Variants in MAFB observed in about 807,000 individuals in gnomAD.
The protein encoded by MAFB is MAF bZIP transcription factor B.
A neutral mutation model predicts 17.7 loss-of-function variants in MAFB; 3 were observed. That is an observed-to-expected ratio of 0.17 (90% CI 0.08 to 0.44). The LOEUF (loss-of-function observed/expected upper bound fraction) is 0.44, where lower values mean the gene tolerates loss of function less well. Among genes scored for constraint, MAFB ranks in the 20% least tolerant of loss-of-function variants. The pLI, the probability that MAFB is intolerant of heterozygous loss-of-function variation, is 0.99. For synonymous variants in MAFB, 214 were observed against 211.5 expected (o/e 1.01, Z -0.10); for missense variants, 355 against 461.3 (o/e 0.77, Z 2.11).
Position 40,688,548 on chromosome 20 carries a change from G to T in MAFB, c.303C>A (p.Asn101Lys). Reference protein sequence around the residue: ...NYQQMNPEALNLTPEDAVEAL... With the variant: ...NYQQMNPEALKLTPEDAVEAL... ...CTTCCACCGCGTCCTCGGGCGTCAG[G>T]TTGAGCGCCTCGGGGTTCATCTGCT... The change falls in exon 1 of 1, where the codon AAC becomes AAA. Residue 101 changes from asparagine to lysine, a missense_variant. This residue lies in a region of MAFB where 285 missense variants were observed against 350.0 expected (regional missense o/e 0.81). Coordinates refer to ENST00000373313, the MANE Select transcript of MAFB (RefSeq NM_005461.5). 1 of 1,614,062 alleles carries T rather than the reference G, an allele frequency of 6.2e-7. No homozygotes were observed. The highest frequency in any genetic ancestry group is 1.1e-5 in the South Asian group (1 of 91,092).
In MAFB at chr20:40,687,464, C is replaced by T. The variant is rs756438342; in HGVS notation, c.*415G>A. The T allele has an allele frequency of 5.5e-5, 20 of 363,116 alleles. No homozygotes were observed. In the Middle Eastern group the frequency reaches 3.5e-3, roughly 64 times the overall value. The allele number at this position is 363,116 out of a possible 1,614,324, so 22.5% of individuals were successfully genotyped here. A position where few individuals can be genotyped will look rare whatever the true frequency, so the allele number is the denominator to read the frequency against. ...CCTCTCCTTTCCTCGTTGCTCTCTT[C>T]CTGGCGCGGACTACTCTCCGGGCAG... On this transcript the variant is annotated 3_prime_UTR_variant, in exon 1 of 1. Coordinates refer to ENST00000373313, the MANE Select transcript of MAFB (RefSeq NM_005461.5).
rs770470296 is a variant in MAFB, at chr20:40,686,434, C to T, written c.*1445G>A. On this transcript the variant is annotated 3_prime_UTR_variant, in exon 1 of 1. Coordinates refer to ENST00000373313, the MANE Select transcript of MAFB (RefSeq NM_005461.5). ...AAACGCAATGCATTGGTCTAAAGAACGCACTTGAAAGTTGCAAAATTACTT... is the reference window on the plus strand; with the variant it reads ...AAACGCAATGCATTGGTCTAAAGAATGCACTTGAAAGTTGCAAAATTACTT... 5.3e-5 allele frequency: 18 copies of T among 342,424 alleles called. No homozygotes were observed. The highest frequency in any genetic ancestry group is 8.9e-5 in the Non-Finnish European group (17 of 191,126). The allele number at this position is 342,424 out of a possible 1,614,324, so 21.2% of individuals were successfully genotyped here. A position where few individuals can be genotyped will look rare whatever the true frequency, so the allele number is the denominator to read the frequency against.
In MAFB at chr20:40,688,692, G is replaced by C; in HGVS notation, c.159C>G (p.Gly53=). ...GRPCTRLQPA[G]SVSSTPLSTP... is the part of the protein sequence containing the mutation. ...TGCTGAGCGGTGTGGAGGACACCGAGCCGGCTGGCTGCAGGCGTGTGCAGG... is the reference window on the plus strand; with the variant it reads ...TGCTGAGCGGTGTGGAGGACACCGACCCGGCTGGCTGCAGGCGTGTGCAGG... Residue 53 remains glycine, a synonymous_variant, in exon 1 of 1, where the codon GGC becomes GGG. Transcript: ENST00000373313. 1 of 1,613,934 alleles carries C rather than the reference G, an allele frequency of 6.2e-7. No homozygotes were observed. Among genetic ancestry groups the C allele is most frequent in the Non-Finnish European group, 8.5e-7 (1 of 1,179,910 alleles).
At position 40,687,240 on chromosome 20, in the gene MAFB, A is replaced by G; in HGVS notation, c.*639T>C. The G allele has an allele frequency of 2.5e-6, 1 of 398,648 alleles. No individual in the cohort carries two copies. The highest frequency in any genetic ancestry group is 3.6e-5 in the East Asian group (1 of 28,082). The allele number at this position is 398,648 out of a possible 1,614,324, so 24.7% of individuals were successfully genotyped here. A position where few individuals can be genotyped will look rare whatever the true frequency, so the allele number is the denominator to read the frequency against. Reference sequence around the variant, plus strand: ...TACATGTCCAGCATGCAGGATTAATATTTTTAATGCAGATTTTTTGTATTT... The same window carrying G: ...TACATGTCCAGCATGCAGGATTAATGTTTTTAATGCAGATTTTTTGTATTT... On this transcript the variant is annotated 3_prime_UTR_variant, in exon 1 of 1. Transcript: ENST00000373313.
chr20:40,688,241 TGC>T lies in MAFB; in HGVS notation c.608_609del (p.Gly203GlufsTer55), dbSNP rs1986879798. The T allele has an allele frequency of 1.3e-6, 2 of 1,559,930 alleles. No individual in the cohort carries two copies. The highest frequency in any genetic ancestry group is 1.3e-5 in the African/African-American group (1 of 74,112). On this transcript the variant is annotated frameshift_variant, in exon 1 of 1. Coordinates refer to ENST00000373313, the MANE Select transcript of MAFB (RefSeq NM_005461.5). LOFTEE classifies it high-confidence loss of function. ...GAGAAGCGGTCCTCCACGCTGCCGT[TGC>T]CGCCCGCCGCCGTCGCCGAGGCCGT... The part of the protein sequence containing the change: ...HATASATAAG[G>X]NGSVEDRFSD...
At position 40,688,398 on chromosome 20, in the gene MAFB, G is replaced by A; in HGVS notation, c.453C>T (p.Ala151=). 8 of 1,571,416 alleles carry A rather than the reference G, an allele frequency of 5.1e-6. No homozygotes were observed. Among genetic ancestry groups the A allele is most frequent in the African/African-American group, 1.3e-5 (1 of 74,562 alleles). ...PHHAYPGAGV[A]HDELGPHAHP... The stretch of plus-strand genomic sequence containing the variant: ...GAGCGTGCGGGCCCAGCTCGTCGTG[G>A]GCCACGCCGGCGCCCGGGTACGCGT... The change falls in exon 1 of 1, where the codon GCC becomes GCT. Residue 151 remains alanine, a synonymous_variant. Coordinates refer to ENST00000373313, the MANE Select transcript of MAFB (RefSeq NM_005461.5).
At position 40,689,128 on chromosome 20, in the gene MAFB, C is replaced by G; in HGVS notation, c.-278G>C. 1 of 424,670 alleles carries G rather than the reference C, an allele frequency of 2.4e-6. No homozygotes were observed. Among genetic ancestry groups the G allele is most frequent in the Non-Finnish European group, 4.1e-6 (1 of 243,212 alleles). 26.3% of individuals were successfully genotyped at this position (424,670 alleles called of 1,614,324 possible). A position where few individuals can be genotyped will look rare whatever the true frequency, so the allele number is the denominator to read the frequency against. On this transcript the variant is annotated 5_prime_UTR_variant, in exon 1 of 1. Transcript: ENST00000373313. Reference sequence around the variant, plus strand: ...GGGGTGGAGAGGCAAGCGGAGCGCGCGGTGGGGCTGAGGGGAGGCGTGGGG... The same window carrying G: ...GGGGTGGAGAGGCAAGCGGAGCGCGGGGTGGGGCTGAGGGGAGGCGTGGGG...
chr20:40,687,716 C>A lies in MAFB; in HGVS notation c.*163G>T. On this transcript the variant is annotated 3_prime_UTR_variant, in exon 1 of 1. Coordinates refer to ENST00000373313, the MANE Select transcript of MAFB (RefSeq NM_005461.5). ...AAGGTCCCCTGCCCGCCCGCGCACC[C>A]GCCCGTCGCCCGCGGCCCGCGCGCC... 2 of 895,346 alleles carry A rather than the reference C, an allele frequency of 2.2e-6. No individual in the cohort carries two copies. Among genetic ancestry groups the A allele is most frequent in the Non-Finnish European group, 3.3e-6 (2 of 606,574 alleles). 55.5% of individuals were successfully genotyped at this position (895,346 alleles called of 1,614,324 possible). A position where few individuals can be genotyped will look rare whatever the true frequency, so the allele number is the denominator to read the frequency against.
At position 40,687,395 on chromosome 20, in the gene MAFB, T is replaced by C; in HGVS notation, c.*484A>G. Reference sequence around the variant, plus strand: ...ACAGACAGGTCCGTCTGTCCTTCCTTCTTTCGCTCAGCCTCGCCTCTCGCC... The same window carrying C: ...ACAGACAGGTCCGTCTGTCCTTCCTCCTTTCGCTCAGCCTCGCCTCTCGCC... On this transcript the variant is annotated 3_prime_UTR_variant, in exon 1 of 1. Coordinates refer to ENST00000373313, the MANE Select transcript of MAFB (RefSeq NM_005461.5). 2.6e-6 allele frequency: 1 copy of C among 390,386 alleles called. No homozygotes were observed. Among genetic ancestry groups the C allele is most frequent in the Non-Finnish European group, 4.5e-6 (1 of 220,800 alleles). The allele number at this position is 390,386 out of a possible 1,614,324, so 24.2% of individuals were successfully genotyped here.
At position 40,687,249 on chromosome 20, in the gene MAFB, G is replaced by A. The variant is rs575076532; in HGVS notation, c.*630C>T. Reference sequence around the variant, plus strand: ...AGCATGCAGGATTAATATTTTTAATGCAGATTTTTTGTATTTTTCTATATA... The same window carrying A: ...AGCATGCAGGATTAATATTTTTAATACAGATTTTTTGTATTTTTCTATATA... On this transcript the variant is annotated 3_prime_UTR_variant, in exon 1 of 1. Coordinates refer to ENST00000373313, the MANE Select transcript of MAFB (RefSeq NM_005461.5). The A allele has an allele frequency of 1.0e-5, 4 of 398,450 alleles. No individual in the cohort carries two copies. Among genetic ancestry groups the A allele is most frequent in the Non-Finnish European group, 1.3e-5 (3 of 226,328 alleles). The allele number at this position is 398,450 out of a possible 1,614,324, so 24.7% of individuals were successfully genotyped here.
rs913630367 is a variant in MAFB, at chr20:40,688,956, C to A, written c.-106G>T. ...GAAGAGCGGAGAAGAGCTGGGGAGG[C>A]GGGGAGCGAGGGCGCAGCGGGCCGG... On this transcript the variant is annotated 5_prime_UTR_variant, in exon 1 of 1. Coordinates refer to ENST00000373313, the MANE Select transcript of MAFB (RefSeq NM_005461.5). 1.1e-5 allele frequency: 15 copies of A among 1,396,396 alleles called. No individual in the cohort carries two copies. Among genetic ancestry groups the A allele is most frequent in the Non-Finnish European group, 1.4e-5 (15 of 1,077,558 alleles). The allele number at this position is 1,396,396 out of a possible 1,614,324, so 86.5% of individuals were successfully genotyped here. A position where few individuals can be genotyped will look rare whatever the true frequency, so the allele number is the denominator to read the frequency against.
In MAFB at chr20:40,688,436, G is replaced by T; in HGVS notation, c.415C>A (p.Pro139Thr). 2 of 1,596,536 alleles carry T rather than the reference G, an allele frequency of 1.3e-6. No homozygotes were observed. The highest frequency in any genetic ancestry group is 1.7e-6 in the Non-Finnish European group (2 of 1,176,280). The stretch of plus-strand genomic sequence containing the variant: ...CCCGGGTACGCGTGGTGCGGGTGAG[G>T]GTGGTGGTGATGGTGGTGGTGGTGA... ...GAHHHHHHHH[P>T]HPHHAYPGAG... The change falls in exon 1 of 1, where the codon CCT becomes ACT. Residue 139 changes from proline (P) to threonine (T), a missense_variant. Pro to Thr is a conservative substitution (Grantham distance 38, BLOSUM62 -1). Coordinates refer to ENST00000373313, the MANE Select transcript of MAFB (RefSeq NM_005461.5).
rs1478165098 is a variant in MAFB, at chr20:40,688,275, C to A, written c.576G>T (p.Pro192=). 3.2e-6 allele frequency: 5 copies of A among 1,544,858 alleles called. No homozygotes were observed. Among genetic ancestry groups the A allele is most frequent in the South Asian group, 2.3e-5 (2 of 85,242 alleles). Residue 192 remains proline (P), a synonymous_variant, in exon 1 of 1, where the codon CCG becomes CCT. Transcript: ENST00000373313. The part of the protein sequence containing the change: ...QLPTSHPGPG[P]HATASATAAG... ...CCGCCGTCGCCGAGGCCGTCGCGTGCGGCCCGGGCCCGGGGTGGCTAGTGG... is the reference window on the plus strand; with the variant it reads ...CCGCCGTCGCCGAGGCCGTCGCGTGAGGCCCGGGCCCGGGGTGGCTAGTGG...
Position 40,687,284 on chromosome 20 carries a change from G to T in MAFB, c.*595C>A. 2.5e-6 allele frequency: 1 copy of T among 398,174 alleles called. No homozygotes were observed. The highest frequency in any genetic ancestry group is 4.4e-6 in the Non-Finnish European group (1 of 226,214). 24.7% of individuals were successfully genotyped at this position (398,174 alleles called of 1,614,324 possible). ...TGTATTTTTCTATATAATCGAGCAG[G>T]CAATAAAACTGATGAGATTTGGGCG... On this transcript the variant is annotated 3_prime_UTR_variant, in exon 1 of 1. Transcript: ENST00000373313.
rs779945829 is a variant in MAFB at position 40,686,076 on chromosome 20, G to A, written c.*1803C>T. 2.2e-4 allele frequency: 43 copies of A among 195,456 alleles called. No homozygotes were observed. The highest frequency in any genetic ancestry group is 4.4e-4 in the Non-Finnish European group (41 of 93,926). 12.1% of individuals were successfully genotyped at this position (195,456 alleles called of 1,614,324 possible). A position where few individuals can be genotyped will look rare whatever the true frequency, so the allele number is the denominator to read the frequency against. ...GTTGAATCTGTAAAAACCAAAGCTC[G>A]TTTCTGATGCAGGACAAATATCCAC... On this transcript the variant is annotated 3_prime_UTR_variant, in exon 1 of 1. Coordinates refer to ENST00000373313, the MANE Select transcript of MAFB (RefSeq NM_005461.5).
chr20:40,687,908 T>A lies in MAFB; in HGVS notation c.943A>T (p.Ser315Cys). Residue 315 changes from serine (S) to cysteine (C), a missense_variant, in exon 1 of 1, where the codon AGC (serine) becomes TGC (cysteine). Transcript: ENST00000373313. ...AGAAAGAACTCGGGAGAGGAGGGGC[T>A]GTCGCTGGTGGAGCCCGCCTCCCTG... is the stretch of plus-strand genomic sequence containing the variant. ...GFREAGSTSD[S>C]PSSPEFFL The A allele has an allele frequency of 6.2e-7, 1 of 1,612,250 alleles. No individual in the cohort carries two copies. Among genetic ancestry groups the A allele is most frequent in the Non-Finnish European group, 8.5e-7 (1 of 1,180,022 alleles).
In MAFB at chr20:40,687,238, A is replaced by C. The variant is rs1986850093; in HGVS notation, c.*641T>G. ...CATACATGTCCAGCATGCAGGATTA[A>C]TATTTTTAATGCAGATTTTTTGTAT... On this transcript the variant is annotated 3_prime_UTR_variant, in exon 1 of 1. Transcript: ENST00000373313. The C allele has an allele frequency of 2.5e-6, 1 of 398,692 alleles. No homozygotes were observed. The highest frequency in any genetic ancestry group is 4.4e-6 in the Non-Finnish European group (1 of 226,316). The allele number at this position is 398,692 out of a possible 1,614,324, so 24.7% of individuals were successfully genotyped here.
rs1376492701 is a variant in MAFB at position 40,688,782 on chromosome 20, G to A, written c.69C>T (p.Asp23=). ...TSPLAMEYVN[D]FDLLKFDVKK... ...TCACGTCGAACTTGAGCAGGTCGAA[G>A]TCGTTGACATACTCCATGGCCAGCG... Residue 23 remains aspartate, a synonymous_variant, in exon 1 of 1, where the codon GAC becomes GAT. Transcript: ENST00000373313. 3 of 1,613,714 alleles carry A rather than the reference G, an allele frequency of 1.9e-6. No homozygotes were observed. Among genetic ancestry groups the A allele is most frequent in the Non-Finnish European group, 2.5e-6 (3 of 1,179,898 alleles).
chr20:40,686,521 T>C lies in MAFB; in HGVS notation c.*1358A>G, dbSNP rs774843416. 9.1e-5 allele frequency: 36 copies of C among 395,792 alleles called. No homozygotes were observed. Among genetic ancestry groups the C allele is most frequent in the Non-Finnish European group, 1.4e-4 (32 of 224,936 alleles). The allele number at this position is 395,792 out of a possible 1,614,324, so 24.5% of individuals were successfully genotyped here. A position where few individuals can be genotyped will look rare whatever the true frequency, so the allele number is the denominator to read the frequency against. On this transcript the variant is annotated 3_prime_UTR_variant, in exon 1 of 1. Coordinates refer to ENST00000373313, the MANE Select transcript of MAFB (RefSeq NM_005461.5). ...CAGTTGGTTCAGTGCAGTGTCTGCT[T>C]ACCAGTGCACTGCCAGGGTCAGGGA... is the stretch of plus-strand genomic sequence containing the variant.
Sources: allele counts gnomAD v4.1 joint callset, GRCh38; gene constraint gnomAD v4.1.1; regional missense constraint gnomAD v4.1.1; transcripts MANE v1.5; gene names NCBI Gene and HGNC (gene_info 2026-07-23, HGNC 2026-07-21).